Variants in SEMA6D observed in about 807,000 individuals in gnomAD.
SEMA6D encodes semaphorin 6D, also known as semaphorin-6D.
A neutral mutation model predicts 106.6 loss-of-function variants in SEMA6D; 35 were observed. The ratio of observed to expected loss-of-function variants is 0.33; its 90% CI spans 0.25 to 0.44. The LOEUF is 0.44. Ranked by LOEUF, SEMA6D falls within the 20% of genes least tolerant of loss-of-function variation. The probability of loss-of-function intolerance (pLI) is 1.00; values close to 1 mark genes in which losing one functional copy is unlikely to be tolerated. For synonymous variants in SEMA6D, 499 were observed against 487.7 expected (o/e 1.02, Z -0.31); for missense variants, 1,185 against 1,345.9 (o/e 0.88, Z 1.87).
At chr15:47,431,269 TTTTG>T (rs1231651797) in intron 2 of SEMA6D, among the ~76,000 whole-genome samples, 2 of 152,142 alleles carry the variant, frequency 1.3e-5, no homozygotes, top group African/African-American at 2.4e-5. Context: ...ATCATTTTTA[TTTTG>T]TTTATTAAAT....
At chr15:47,605,002 G>A (rs561166608) in intron 4 of SEMA6D, among the ~76,000 whole-genome samples, 11 of 152,046 alleles carry the variant, frequency 7.2e-5, no homozygotes, top group East Asian at 1.9e-4. Flanking sequence ...CACTGCACCC[G>A]GCCTCACTGT....
At chr15:47,665,655 C>T (rs905799888) in intron 4 of SEMA6D, among the ~76,000 whole-genome samples, 2 of 152,066 alleles carry the variant, frequency 1.3e-5, no homozygotes, top group Non-Finnish European at 2.9e-5. Context: ...ACTAAAAATA[C>T]AAAAATTAGC....
intron 3 of SEMA6D, among the ~76,000 whole-genome samples, chr15:47,504,012 A>C (rs969032735): frequency 2.0e-5 from 3 of 152,186 alleles, no homozygotes; most frequent in African/African-American, 7.2e-5. Context: ...ACCTGGTAGG[A>C]ACCCCGAGGC....
At chr15:47,571,406 C>T (rs1296640414) in intron 3 of SEMA6D, among the ~76,000 whole-genome samples, 2 of 152,206 alleles carry the variant, frequency 1.3e-5, no homozygotes, top group Non-Finnish European at 2.9e-5. Flanking sequence ...ATTACAGATG[C>T]TCTGCTGTCT....
intron 3 of SEMA6D, among the ~76,000 whole-genome samples, chr15:47,495,164 G>A (rs957865218): frequency 1.3e-5 from 2 of 151,762 alleles, no homozygotes; most frequent in Non-Finnish European, 2.9e-5. Context: ...ACTGGAAGTC[G>A]TTCTTATGGT....
At chr15:47,237,629 G>A (rs1019944876) in intron 1 of SEMA6D, among the ~76,000 whole-genome samples, 7 of 152,056 alleles carry the variant, frequency 4.6e-5, no homozygotes, top group Non-Finnish European at 8.8e-5. Context: ...GGCTTTGCAA[G>A]TGTGATGTGT....
chr15:47,590,513 A>T lies in SEMA6D; in HGVS notation c.-86-10352A>T, dbSNP rs915638861. 2.7e-5 allele frequency among the ~76,000 whole-genome samples: 4 copies of T among 145,702 alleles called. No individual in the cohort carries two copies. The South Asian group carries it at 8.7e-4, about 32-fold the overall frequency. On this transcript the variant is annotated intron_variant, in intron 3 of 19. Transcript: ENST00000558014. ...CCTGCACTTTGTGCACATATACCCT[A>T]GAACTTAAAGTATAATAAATAAATA...
intron 4 of SEMA6D, among the ~76,000 whole-genome samples, chr15:47,656,310 C>T (rs2077793190): frequency 6.6e-6 from 1 of 152,110 alleles, no homozygotes; most frequent in Admixed American, 6.6e-5. Flanking sequence ...CCCTGTAGCT[C>T]CCCTAAGAAC....
chr15:47,752,572 A>G (rs2081499587), intron 1 of SEMA6D, among the ~76,000 whole-genome samples: 1 of 152,156 alleles, frequency 6.6e-6, no homozygotes, highest in Non-Finnish European at 1.5e-5. Context: ...GTGTGTGATG[A>G]GGGAGACATG....
At chr15:47,364,039 A>G (rs2038915084) in intron 1 of SEMA6D, among the ~76,000 whole-genome samples, 2 of 152,178 alleles carry the variant, frequency 1.3e-5, no homozygotes, top group South Asian at 4.1e-4. Context: ...CCCTCGACAC[A>G]TGAAGATTAC....
intron 3 of SEMA6D, among the ~76,000 whole-genome samples, chr15:47,487,533 T>A (rs2043333861): frequency 6.6e-6 from 1 of 152,226 alleles, no homozygotes; most frequent in African/African-American, 2.4e-5. Flanking sequence ...GCTTCCTTTT[T>A]AAAAATCATA....
chr15:47,371,976 C>T (rs1319810107), intron 1 of SEMA6D, among the ~76,000 whole-genome samples: 3 of 152,190 alleles, frequency 2.0e-5, no homozygotes, highest in African/African-American at 7.2e-5. Flanking sequence ...GGTCACACAA[C>T]GTGTTAGTAG....
rs770152130 is a variant in SEMA6D at position 47,766,013 on chromosome 15, A to C, written c.1568+4A>C. The C allele has an allele frequency of 9.4e-6, 15 of 1,602,868 alleles. No individual in the cohort carries two copies. Among genetic ancestry groups the C allele is most frequent in the Non-Finnish European group, 1.3e-5 (15 of 1,173,580 alleles). On this transcript the variant is annotated splice_donor_region_variant and intron_variant, in intron 14 of 18. Coordinates refer to ENST00000536845, the MANE Select transcript of SEMA6D (RefSeq NM_001358351.3). ...AGCGTTATGGATCATGTAAAAAGTA[A>C]GCTCGTGTTTCTTTACTTACCCTGG...
chr15:47,317,596 A>G (rs2036733751), intron 1 of SEMA6D, among the ~76,000 whole-genome samples: 1 of 152,038 alleles, frequency 6.6e-6, no homozygotes, highest in African/African-American at 2.4e-5. Context: ...TTTCTCTTAC[A>G]CTTTTGAAGA....
chr15:47,503,502 T>C (rs2043927323), intron 3 of SEMA6D, among the ~76,000 whole-genome samples: 1 of 152,204 alleles, frequency 6.6e-6, no homozygotes, highest in African/African-American at 2.4e-5. Context: ...AGCTGTAAAA[T>C]GGGACTGGTA....
intron 1 of SEMA6D, among the ~76,000 whole-genome samples, chr15:47,402,372 A>G (rs2040426851): frequency 6.6e-6 from 1 of 152,226 alleles, no homozygotes; most frequent in Admixed American, 6.5e-5. Context: ...GCTGGAGAGC[A>G]GAGTTCAAGA....
At chr15:47,526,717 A>G (rs1020071710) in intron 3 of SEMA6D, among the ~76,000 whole-genome samples, 6 of 152,082 alleles carry the variant, frequency 3.9e-5, no homozygotes, top group Admixed American at 3.9e-4. Context: ...GTTGGCACCA[A>G]TATGGAACCA....
chr15:47,743,289 G>C (rs547922564), intron 1 of SEMA6D, among the ~76,000 whole-genome samples: 1 of 152,178 alleles, frequency 6.6e-6, no homozygotes, highest in Admixed American at 6.5e-5. Context: ...TAATATGTTG[G>C]TGCGTGTATG....
intron 4 of SEMA6D, among the ~76,000 whole-genome samples, chr15:47,617,262 A>T (rs1173528272): frequency 6.6e-6 from 1 of 152,120 alleles, no homozygotes; most frequent in Non-Finnish European, 1.5e-5. Flanking sequence ...TGTTGCTTGG[A>T]GGCTTGGAGG....
Sources: allele counts gnomAD v4.1 joint callset (sites outside exome capture counted in the v4.1 genomes callset), GRCh38; gene constraint gnomAD v4.1.1; transcripts MANE v1.5; gene names NCBI Gene and HGNC (gene_info 2026-07-23, HGNC 2026-07-21).